The following BRD4 variants were observed in gnomAD, a reference collection of about 807,000 sequenced individuals.
BRD4 encodes the protein bromodomain-containing protein 4.
Under a neutral mutation model 142.1 loss-of-function variants are expected in BRD4, and 16 were observed. That is an observed-to-expected ratio of 0.11 (90% CI 0.08 to 0.17). The LOEUF is 0.17. BRD4 is among the 10% of genes least tolerant of loss of function. BRD4 has a pLI of 1.00. For synonymous variants in BRD4, 833 were observed against 707.5 expected (o/e 1.18, Z -2.82); for missense variants, 1,424 against 1,810.9 (o/e 0.79, Z 3.88).
At chr19:15,256,506 G>A (rs549103393) in intron 8 of BRD4, among the ~76,000 whole-genome samples, 1 of 152,320 alleles carries the variant, frequency 6.6e-6, no homozygotes, top group African/African-American at 2.4e-5. Flanking sequence ...TTCCTCACCA[G>A]AGGAGCTGAT....
chr19:15,255,478 G>A lies in BRD4; in HGVS notation c.1866C>T (p.Ile622=), dbSNP rs2047397826. Reference sequence around the variant, plus strand: ...CCAGCTTCTCGCCGGGGAGCTTGTTGATGTCCAAGCTGAGCTGCCGCTTCT... The same window carrying A: ...CCAGCTTCTCGCCGGGGAGCTTGTTAATGTCCAAGCTGAGCTGCCGCTTCT... ...YEEKRQLSLD[I]NKLPGEKLGR... is the part of the protein sequence containing the mutation. Residue 622 remains isoleucine (I), a synonymous_variant, in exon 10 of 20, where the codon ATC becomes ATT. Transcript: ENST00000679869. 1 of 1,614,158 alleles carries A rather than the reference G, an allele frequency of 6.2e-7. No homozygotes were observed. Among genetic ancestry groups the A allele is most frequent in the Middle Eastern group, 1.6e-4 (1 of 6,062 alleles).
intron 1 of BRD4, among the ~76,000 whole-genome samples, chr19:15,310,119 T>C (rs1348234927): frequency 6.6e-6 from 1 of 151,930 alleles, no homozygotes; most frequent in South Asian, 2.1e-4. Context: ...GTGGAAATCA[T>C]TGTACAAAGT....
At chr19:15,280,783 T>C (rs2047697800) in intron 1 of BRD4, among the ~76,000 whole-genome samples, 1 of 152,176 alleles carries the variant, frequency 6.6e-6, no homozygotes, top group Non-Finnish European at 1.5e-5. Context: ...CCAAGGCTCT[T>C]GAATAAACAA....
chr19:15,266,165 G>A (rs2047532425), intron 4 of BRD4, among the ~76,000 whole-genome samples: 1 of 152,206 alleles, frequency 6.6e-6, no homozygotes, highest in African/African-American at 2.4e-5. Flanking sequence ...CCCAGCAGCT[G>A]TGCAGGCAGT....
At chr19:15,259,825 C>A (rs1232274194) in intron 7 of BRD4, among the ~76,000 whole-genome samples, 1 of 152,212 alleles carries the variant, frequency 6.6e-6, no homozygotes, top group African/African-American at 2.4e-5. Flanking sequence ...AACACATGGG[C>A]AGCAAGGGGT....
chr19:15,242,694 G>C (rs1455269775), intron 14 of BRD4, among the ~76,000 whole-genome samples: 1 of 152,216 alleles, frequency 6.6e-6, no homozygotes, highest in South Asian at 2.1e-4. Flanking sequence ...CTTATTCTGA[G>C]TGATCTCACC....
At chr19:15,322,583 T>C (rs1053942404) in intron 1 of BRD4, among the ~76,000 whole-genome samples, 1 of 146,456 alleles carries the variant, frequency 6.8e-6, no homozygotes, top group Non-Finnish European at 1.5e-5. Context: ...CCAGGCGTGG[T>C]GGCGGGCGCC....
intron 11 of BRD4, among the ~76,000 whole-genome samples, chr19:15,250,177 G>A (rs1045776615): frequency 3.3e-5 from 5 of 152,174 alleles, no homozygotes; most frequent in South Asian, 2.1e-4. Flanking sequence ...CACAAGGCTC[G>A]CCCTCACCCG....
At chr19:15,255,177 A>G (rs2047393156) in intron 10 of BRD4, 120 bp downstream of exon 10, 1 of 1,000,110 alleles carries the variant, frequency 1.0e-6, no homozygotes, top group South Asian at 1.7e-5. Context: ...AAGAACACAG[A>G]TATTATAATT....
rs2047205838 is a variant in BRD4 at position 15,237,844 on chromosome 19, T to A, written c.*533A>T. ...GCTTGTGGGGGAGGGTCGGGGGGTC[T>A]GTTCAAGGCAAAGTCAGTGCCAGCG... is the stretch of plus-strand genomic sequence containing the variant. On this transcript the variant is annotated 3_prime_UTR_variant, in exon 20 of 20. Transcript: ENST00000679869. 2 of 233,726 alleles carry A rather than the reference T, an allele frequency of 8.6e-6. No individual in the cohort carries two copies. Among genetic ancestry groups the A allele is most frequent in the East Asian group, 1.2e-4 (2 of 16,390 alleles). The allele number at this position is 233,726 out of a possible 1,614,324, so 14.5% of individuals were successfully genotyped here.
At chr19:15,277,780 A>G (rs1418793930) in intron 1 of BRD4, among the ~76,000 whole-genome samples, 2 of 149,226 alleles carry the variant, frequency 1.3e-5, no homozygotes, top group Non-Finnish European at 3.0e-5. Flanking sequence ...ACACAGCAAG[A>G]CTCCGTCTCC....
chr19:15,255,619 C>G (rs200323375), intron 9 of BRD4, 27 bp from the exon 10 acceptor site: 116 of 1,570,282 alleles, frequency 7.4e-5, no homozygotes, highest in Middle Eastern at 1.8e-4. Flanking sequence ...CAGACACCAT[C>G]AAGAACGGGC....
chr19:15,328,499 T>C (rs2145017886), intron 1 of BRD4, among the ~76,000 whole-genome samples: 1 of 152,330 alleles, frequency 6.6e-6, no homozygotes, highest in Admixed American at 6.5e-5. Flanking sequence ...CTCGGACTAA[T>C]AAGTTTACTA....
At chr19:15,280,497 C>T (rs373052086) in intron 1 of BRD4, 2 of 964,610 alleles carry the variant, frequency 2.1e-6, no homozygotes, top group Non-Finnish European at 2.5e-6. Flanking sequence ...CCCTGCAGCA[C>T]CTGGCCATCT....
At position 15,299,595 on chromosome 19, in the gene BRD4, A is replaced by G. The variant is rs184010594; in HGVS notation, c.-34-26462T>C. The stretch of plus-strand genomic sequence containing the variant: ...GATTTTGTGATCCCCAGCTTCAAGC[A>G]TAACTCTCAATATGGACACATGTAG... On this transcript the variant is annotated intron_variant, in intron 1 of 19. Coordinates refer to ENST00000679869, the MANE Select transcript of BRD4 (RefSeq NM_001379291.1). Among the ~76,000 whole-genome samples the G allele has an allele frequency of 1.5e-3, 229 of 152,356 alleles. 3 individuals carry two copies. Among genetic ancestry groups the G allele is most frequent in the African/African-American group, 5.4e-3 (224 of 41,578 alleles).
intron 1 of BRD4, among the ~76,000 whole-genome samples, chr19:15,318,813 T>C (rs892099284): frequency 5.9e-5 from 9 of 152,178 alleles, no homozygotes; most frequent in Non-Finnish European, 1.0e-4. Flanking sequence ...TCTGCGGCCT[T>C]TGCAACAGAC....
intron 11 of BRD4, chr19:15,253,948 C>T (rs1041542598): frequency 5.6e-6 from 4 of 716,766 alleles, no homozygotes; most frequent in East Asian, 2.7e-5. Context: ...ACGGCCAGGC[C>T]GAGAGAATGG....
intron 1 of BRD4, among the ~76,000 whole-genome samples, chr19:15,297,274 T>C (rs1033075302): frequency 3.3e-5 from 5 of 152,214 alleles, no homozygotes; most frequent in African/African-American, 7.2e-5. Context: ...TGCCCTCCCG[T>C]TGACCAGGCT....
rs751069955 is a variant in BRD4, at chr19:15,244,556, A to G, written c.2256T>C (p.Pro752=). 2 of 1,601,364 alleles carry G rather than the reference A, an allele frequency of 1.2e-6. No individual in the cohort carries two copies. Among genetic ancestry groups the G allele is most frequent in the African/African-American group, 2.7e-5 (2 of 74,574 alleles). The change falls in exon 13 of 20, where the codon CCT becomes CCC. Residue 752 remains proline, a synonymous_variant. Coordinates refer to ENST00000679869, the MANE Select transcript of BRD4 (RefSeq NM_001379291.1). Reference sequence around the variant, plus strand: ...GAGGCGGGGGCGGCTGCTGGGGCACAGGAGCCGGGGCCTGCTGCATCTGCT... The same window carrying G: ...GAGGCGGGGGCGGCTGCTGGGGCACGGGAGCCGGGGCCTGCTGCATCTGCT... ...HHQQMQQAPA[P]VPQQPPPPPQ... is the part of the protein sequence containing the mutation.
Sources: gnomAD v4.1 joint callset for allele counts (sites outside exome capture counted in the v4.1 genomes callset) on GRCh38, gnomAD v4.1.1 for gene constraint, MANE v1.5 for transcripts, NCBI Gene and HGNC (gene_info 2026-07-23, HGNC 2026-07-21) for gene names.